Variants in ROBO1 observed in about 807,000 individuals in gnomAD.
ROBO1 encodes the protein roundabout homolog 1.
ROBO1 carries 149 observed loss-of-function variants against 195.9 expected under a neutral mutation model. The observed-to-expected ratio is 0.76, with a 90% CI of 0.67 to 0.87. ROBO1 has a LOEUF of 0.87. Ranked by LOEUF, ROBO1 falls within the 40% of genes least tolerant of loss-of-function variation. ROBO1 has a pLI of 0.00. For synonymous variants in ROBO1, 816 were observed against 733.2 expected, an observed-to-expected ratio of 1.11 and a Z score of -1.82; for missense variants, 1,933 against 2,068.3, an observed-to-expected ratio of 0.93 and a Z score of 1.27.
intron 2 of ROBO1, among the ~76,000 whole-genome samples, chr3:79,576,809 T>C (rs1943501883): frequency 6.6e-6 from 1 of 152,200 alleles, no homozygotes; most frequent in Non-Finnish European, 1.5e-5. Flanking sequence ...AACCTTGTGT[T>C]TGAAACTTGA....
intron 2 of ROBO1, among the ~76,000 whole-genome samples, chr3:79,453,372 AAG>A (rs2039511232): frequency 6.6e-6 from 1 of 152,140 alleles, no homozygotes; most frequent in Admixed American, 6.6e-5. Context: ...GTTAAATAGA[AAG>A]AGAGTGATGC....
intron 2 of ROBO1, among the ~76,000 whole-genome samples, chr3:79,275,396 T>C (rs575705220): frequency 5.1e-4 from 77 of 152,084 alleles, no homozygotes; most frequent in African/African-American, 1.6e-3. Flanking sequence ...ACCATTTCAA[T>C]TGATGCTGAA....
At chr3:78,758,846 T>A (rs758963751) in intron 4 of ROBO1, 1 of 152,166 alleles carries the variant, frequency 6.6e-6, no homozygotes, top group African/African-American at 2.4e-5. Flanking sequence ...ATCAACAAGA[T>A]GGCTAACCCA....
intron 2 of ROBO1, among the ~76,000 whole-genome samples, chr3:79,478,948 C>A (rs1938686065): frequency 6.6e-6 from 1 of 152,110 alleles, no homozygotes; most frequent in African/African-American, 2.4e-5. Context: ...AAAACAACAA[C>A]AAAAACAGAA....
chr3:79,127,162 T>C (rs572337134), intron 2 of ROBO1, among the ~76,000 whole-genome samples: 9 of 152,202 alleles, frequency 5.9e-5, no homozygotes, highest in African/African-American at 1.9e-4. Context: ...CCACTTTACC[T>C]TTCCGGCCCG....
chr3:79,731,075 AC>A (rs1001232486), intron 1 of ROBO1, among the ~76,000 whole-genome samples: 100 of 152,110 alleles, frequency 6.6e-4, no homozygotes, highest in African/African-American at 2.2e-3. Flanking sequence ...TAGTCAGCAA[AC>A]TTGCTAGAAG....
intron 1 of ROBO1, among the ~76,000 whole-genome samples, chr3:79,728,817 T>G (rs929958848): frequency 3.3e-5 from 5 of 152,140 alleles, no homozygotes; most frequent in South Asian, 2.1e-4. Flanking sequence ...AATGAAAACC[T>G]TCATATAGCA....
At chr3:79,113,163 G>A (rs2079921416) in intron 3 of ROBO1, among the ~76,000 whole-genome samples, 1 of 152,078 alleles carries the variant, frequency 6.6e-6, no homozygotes, top group Non-Finnish European at 1.5e-5. Context: ...CCATTTATCA[G>A]CATGTCTGTT....
rs1302882781 is a variant in ROBO1 at position 78,746,789 on chromosome 3, C to T, written c.611G>A (p.Trp204Ter). ...ATCCAGTGGAGAGCCATCTTTCTTC[C>T]ATGAAATGGTGGGCTCAGGATGGCC... Reference protein sequence around the residue: ...PRGHPEPTISWKKDGSPLDDK... With the variant: ...PRGHPEPTIS The change falls in exon 5 of 31, where the codon TGG becomes TAG. Residue 204 changes from tryptophan (W) to a stop codon, truncating the protein, a stop_gained. Coordinates refer to ENST00000464233, the MANE Select transcript of ROBO1 (RefSeq NM_002941.4). LOFTEE classifies it high-confidence loss of function. The T allele has an allele frequency of 6.3e-7, 1 of 1,579,970 alleles. No individual in the cohort carries two copies. The highest frequency in any genetic ancestry group is 8.6e-7 in the Non-Finnish European group (1 of 1,157,566).
intron 2 of ROBO1, among the ~76,000 whole-genome samples, chr3:79,461,828 G>A (rs1481966021): frequency 6.6e-6 from 1 of 152,048 alleles, no homozygotes; most frequent in African/African-American, 2.4e-5. Context: ...CATAATGTTT[G>A]AAATGGCAAA....
intron 3 of ROBO1, among the ~76,000 whole-genome samples, chr3:79,096,649 A>C (rs946884092): frequency 7.9e-5 from 12 of 151,234 alleles, no homozygotes; most frequent in Admixed American, 6.0e-4. Flanking sequence ...ACATAGGAAG[A>C]CTAGACAATC....
At chr3:79,473,305 G>C (rs1477516514) in intron 2 of ROBO1, among the ~76,000 whole-genome samples, 1 of 152,118 alleles carries the variant, frequency 6.6e-6, no homozygotes. Flanking sequence ...GCGAAGGGTT[G>C]CCAGCAGCCA....
At chr3:79,089,900 G>T (rs2079443552) in intron 3 of ROBO1, among the ~76,000 whole-genome samples, 1 of 150,920 alleles carries the variant, frequency 6.6e-6, no homozygotes, top group Non-Finnish European at 1.5e-5. Flanking sequence ...TTGCATTTTG[G>T]AGAAATAAAC....
At chr3:79,307,712 G>A (rs1411671632) in intron 2 of ROBO1, among the ~76,000 whole-genome samples, 1 of 152,044 alleles carries the variant, frequency 6.6e-6, no homozygotes, top group Non-Finnish European at 1.5e-5. Context: ...ATGTCAAGTA[G>A]ATACCTGGGA....
intron 18 of ROBO1, among the ~76,000 whole-genome samples, chr3:78,654,161 G>A (rs1473493777): frequency 6.6e-6 from 1 of 152,054 alleles, no homozygotes; most frequent in Admixed American, 6.5e-5. Context: ...ATCTTGATAA[G>A]AAAACTGGAA....
chr3:78,933,290 C>T (rs1480686), intron 4 of ROBO1, among the ~76,000 whole-genome samples: 18,116 of 152,000 alleles, frequency 0.12, 2,740 homozygotes, highest in African/African-American at 0.36. Context: ...GCTTATGAAA[C>T]GTAAGTTTCT....
At chr3:78,654,553 T>C (rs1706877240) in intron 18 of ROBO1, among the ~76,000 whole-genome samples, 1 of 152,176 alleles carries the variant, frequency 6.6e-6, no homozygotes, top group African/African-American at 2.4e-5. Context: ...AAGGTTAAGA[T>C]GGGTAGCCTC....
intron 2 of ROBO1, among the ~76,000 whole-genome samples, chr3:79,468,174 A>G (rs1366995442): frequency 2.6e-5 from 4 of 152,260 alleles, no homozygotes; most frequent in African/African-American, 9.6e-5. Flanking sequence ...TAAAAGTTCC[A>G]TGAAAATAAG....
chr3:78,830,617 C>T (rs2032084117), intron 4 of ROBO1, among the ~76,000 whole-genome samples: 1 of 152,156 alleles, frequency 6.6e-6, no homozygotes, highest in Non-Finnish European at 1.5e-5. Context: ...TGAGAACTAA[C>T]TCACTATCAT....
Sources: allele counts gnomAD v4.1 joint callset (sites outside exome capture counted in the v4.1 genomes callset), GRCh38; gene constraint gnomAD v4.1.1; transcripts MANE v1.5; gene names NCBI Gene and HGNC (gene_info 2026-07-23, HGNC 2026-07-21).